The following SPMAP2L variants were observed in gnomAD, a reference collection of about 807,000 sequenced individuals.
SPMAP2L encodes the protein sperm microtubule associated protein 2-like.
chr4:56,603,937 T>C, the SPMAP2L span, among the ~76,000 whole-genome samples: 5 of 152,340 alleles, frequency 3.3e-5, no homozygotes, highest in East Asian at 7.7e-4. Context: ...TTACCATGAA[T>C]GAGAGAAAAA....
chr4:56,539,236 G>T, the SPMAP2L span, among the ~76,000 whole-genome samples: 4 of 152,094 alleles, frequency 2.6e-5, no homozygotes, highest in Non-Finnish European at 2.9e-5. Flanking sequence ...GGTGTAGGTA[G>T]TGAGCTGTAG....
the SPMAP2L span, among the ~76,000 whole-genome samples, chr4:56,592,622 C>T: frequency 6.6e-6 from 1 of 152,168 alleles, no homozygotes; most frequent in Non-Finnish European, 1.5e-5. Context: ...CGCGGCTGAC[C>T]CTTGCGGGCC....
the SPMAP2L span, chr4:56,531,274 A>G: frequency 1.4e-6 from 2 of 1,388,426 alleles, no homozygotes; most frequent in Non-Finnish European, 1.9e-6. Flanking sequence ...CCTAAGGTGG[A>G]GGTTTGCATG....
chr4:56,595,292 T>C, the SPMAP2L span: 3 of 1,612,832 alleles, frequency 1.9e-6, no homozygotes, highest in South Asian at 1.1e-5. Flanking sequence ...ATTGAGGCAG[T>C]GGATGTGGCC....
the SPMAP2L span, among the ~76,000 whole-genome samples, chr4:56,533,310 A>G: frequency 1.3e-5 from 2 of 152,188 alleles, no homozygotes; most frequent in Non-Finnish European, 2.9e-5. Flanking sequence ...CCCAGAAATT[A>G]TGGTGAGTGC....
chr4:56,571,135 A>C, the SPMAP2L span, among the ~76,000 whole-genome samples: 7 of 151,276 alleles, frequency 4.6e-5, no homozygotes, highest in African/African-American at 7.3e-5. Flanking sequence ...CTTAAAAAAA[A>C]AAACAAAAAA....
chr4:56,617,807 T>C, the SPMAP2L span, among the ~76,000 whole-genome samples: 1 of 152,144 alleles, frequency 6.6e-6, no homozygotes, highest in Non-Finnish European at 1.5e-5. Context: ...CAAAGTTTTA[T>C]TGAGTGGAAG....
the SPMAP2L span, among the ~76,000 whole-genome samples, chr4:56,534,021 C>T: frequency 6.6e-6 from 1 of 152,240 alleles, no homozygotes; most frequent in South Asian, 2.1e-4. Flanking sequence ...TGCACAATAA[C>T]TCTTATCTTT....
At chr4:56,548,102 CAGA>C in the SPMAP2L span, among the ~76,000 whole-genome samples, 4 of 152,172 alleles carry the variant, frequency 2.6e-5, no homozygotes, top group African/African-American at 4.8e-5. Context: ...CAGCAATGCA[CAGA>C]AGGACTCATT....
the SPMAP2L span, among the ~76,000 whole-genome samples, chr4:56,569,133 T>G: frequency 6.6e-6 from 1 of 152,260 alleles, no homozygotes; most frequent in Non-Finnish European, 1.5e-5. Flanking sequence ...CAAGCTTTTG[T>G]GTGAATGTAT....
At chr4:56,531,029 C>T in the SPMAP2L span, 80 of 1,535,524 alleles carry the variant, frequency 5.2e-5, 1 homozygote, top group African/African-American at 1.0e-3. Context: ...GCCCGTGAAC[C>T]CCGCCAGCTC....
At chr4:56,601,118 A>G in the SPMAP2L span, 3 of 1,530,868 alleles carry the variant, frequency 2.0e-6, no homozygotes, top group Non-Finnish European at 2.6e-6. Flanking sequence ...AGGTATGTCA[A>G]TTTCAGGCTA....
chr4:56,552,620 G>A, the SPMAP2L span: 1 of 1,479,944 alleles, frequency 6.8e-7, no homozygotes, highest in Non-Finnish European at 9.1e-7. Context: ...GACAGGTAAG[G>A]CAATATTGTA....
the SPMAP2L span, among the ~76,000 whole-genome samples, chr4:56,615,624 C>T: frequency 6.6e-6 from 1 of 151,862 alleles, no homozygotes; most frequent in Non-Finnish European, 1.5e-5. Context: ...GGCGAGTGCC[C>T]GTAATCCCAG....
chr4:56,552,234 A>G, the SPMAP2L span, among the ~76,000 whole-genome samples: 100,503 of 152,124 alleles, frequency 0.66, 33,495 homozygotes, highest in Non-Finnish European at 0.7. Flanking sequence ...TCTACAAATG[A>G]CCTTAATAGA....
At chr4:56,597,788 A>G in the SPMAP2L span, among the ~76,000 whole-genome samples, 1 of 152,252 alleles carries the variant, frequency 6.6e-6, no homozygotes, top group African/African-American at 2.4e-5. Flanking sequence ...GCACCAGTGC[A>G]ATGCAGAACA....
the SPMAP2L span, among the ~76,000 whole-genome samples, chr4:56,552,333 T>C: frequency 6.6e-6 from 1 of 152,220 alleles, no homozygotes; most frequent in Non-Finnish European, 1.5e-5. Flanking sequence ...ATTTATTGTG[T>C]TCATTTTATT....
the SPMAP2L span, among the ~76,000 whole-genome samples, chr4:56,561,239 T>A: frequency 6.6e-6 from 1 of 152,250 alleles, no homozygotes; most frequent in Non-Finnish European, 1.5e-5. Flanking sequence ...TGATTAATCT[T>A]CTTTCTAGAA....
At chr4:56,566,483 C>A in the SPMAP2L span, among the ~76,000 whole-genome samples, 7 of 151,660 alleles carry the variant, frequency 4.6e-5, no homozygotes, top group Non-Finnish European at 7.4e-5. Context: ...AGGCATGAGC[C>A]ACTGTGCCTG....
Sources: allele counts gnomAD v4.1 joint callset (sites outside exome capture counted in the v4.1 genomes callset), GRCh38; gene constraint gnomAD v4.1.1; transcripts MANE v1.5; gene names NCBI Gene and HGNC (gene_info 2026-07-23, HGNC 2026-07-21).